Variants in VMA12 observed in about 807,000 individuals in gnomAD.
VMA12 encodes vacuolar ATPase assembly protein VMA12.
chr17:28,358,003 C>A, the VMA12 span: 2 of 1,038,308 alleles, frequency 1.9e-6, no homozygotes, highest in South Asian at 1.6e-5. Flanking sequence ...AAGAGTCACT[C>A]CATAAATCCC....
At chr17:28,357,706 G>T in the VMA12 span, 3 of 1,612,998 alleles carry the variant, frequency 1.9e-6, no homozygotes, top group East Asian at 2.2e-5. Context: ...AGCGATTGGT[G>T]CGTGCTTTGG....
the VMA12 span, chr17:28,360,736 G>T: frequency 6.2e-7 from 1 of 1,614,052 alleles, no homozygotes; most frequent in South Asian, 1.1e-5. Context: ...TCCCCAAAGT[G>T]AGATCATTGA....
At chr17:28,362,456 G>GT in the VMA12 span, 1 of 152,128 alleles carries the variant, frequency 6.6e-6, no homozygotes, top group Non-Finnish European at 1.5e-5. Flanking sequence ...GAGGTTGGGA[G>GT]TTTAAGACCA....
chr17:28,360,420 G>A, the VMA12 span: 4 of 1,009,192 alleles, frequency 4.0e-6, no homozygotes, highest in Non-Finnish European at 4.6e-6. Context: ...AGAATCCATG[G>A]GGAGGGCAGA....
the VMA12 span, chr17:28,360,776 A>G: frequency 6.2e-7 from 1 of 1,613,960 alleles, no homozygotes; most frequent in Non-Finnish European, 8.5e-7. Flanking sequence ...CTTCAATTTC[A>G]TTGTCACGGT....
chr17:28,357,950 C>T, the VMA12 span: 1 of 1,521,244 alleles, frequency 6.6e-7, no homozygotes, highest in Non-Finnish European at 9.0e-7. Context: ...AGGTCTTTTC[C>T]CATCATTCCC....
chr17:28,360,520 T>G, the VMA12 span: 10 of 1,614,022 alleles, frequency 6.2e-6, no homozygotes, highest in Non-Finnish European at 8.5e-6. Context: ...TTCTTTTTCT[T>G]TTTCCCAGGA....
the VMA12 span, chr17:28,359,026 C>CT: frequency 1.3e-6 from 2 of 1,530,748 alleles, no homozygotes; most frequent in Non-Finnish European, 1.8e-6. Flanking sequence ...TGGTTATTGA[C>CT]TGAGTTGGGC....
At chr17:28,359,421 C>T in the VMA12 span, 3 of 1,612,788 alleles carry the variant, frequency 1.9e-6, no homozygotes, top group African/African-American at 1.3e-5. Flanking sequence ...ACATGCTCTT[C>T]AGTACGTGGT....
the VMA12 span, chr17:28,360,690 A>G: frequency 1.9e-6 from 3 of 1,597,204 alleles, no homozygotes; most frequent in South Asian, 2.2e-5. Flanking sequence ...AGCACCTCCT[A>G]GAGAATGTTG....
At chr17:28,359,370 A>C in the VMA12 span, 5 of 1,614,122 alleles carry the variant, frequency 3.1e-6, no homozygotes, top group South Asian at 2.2e-5. Flanking sequence ...GCCAATGAGG[A>C]ATATAAACGG....
At chr17:28,358,125 C>T in the VMA12 span, 1 of 557,282 alleles carries the variant, frequency 1.8e-6, no homozygotes, top group South Asian at 2.1e-5. Flanking sequence ...ACACCTAGGC[C>T]CAATTCACCC....
At chr17:28,358,018 C>T in the VMA12 span, 4 of 894,468 alleles carry the variant, frequency 4.5e-6, no homozygotes, top group Non-Finnish European at 5.0e-6. Flanking sequence ...AATCCCAGGG[C>T]CACCCACTTT....
the VMA12 span, chr17:28,359,393 G>A: frequency 0.024 from 39,220 of 1,613,952 alleles, 1,668 homozygotes; most frequent in East Asian, 0.19. Context: ...CACCCGCAAC[G>A]TCACTTGTCA....
chr17:28,362,449 G>A, the VMA12 span: 5 of 152,086 alleles, frequency 3.3e-5, no homozygotes, highest in Admixed American at 3.3e-4. Context: ...ATCACTTGAG[G>A]TTGGGAGTTT....
At chr17:28,357,769 G>C in the VMA12 span, 1 of 1,613,674 alleles carries the variant, frequency 6.2e-7, no homozygotes, top group Non-Finnish European at 8.5e-7. Flanking sequence ...TGCGGGCCGA[G>C]CTTGAGGCCG....
chr17:28,361,904 C>T, the VMA12 span: 1 of 152,456 alleles, frequency 6.6e-6, no homozygotes. Context: ...TATGGTCCTT[C>T]TTCTGTTAAA....
At chr17:28,358,729 G>A in the VMA12 span, among the ~76,000 whole-genome samples, 2 of 152,288 alleles carry the variant, frequency 1.3e-5, no homozygotes, top group Non-Finnish European at 2.9e-5. Flanking sequence ...AGTCACCTGC[G>A]CAGCACTGGG....
the VMA12 span, chr17:28,360,993 T>G: frequency 1.1e-6 from 1 of 892,340 alleles, no homozygotes; most frequent in East Asian, 2.5e-5. Flanking sequence ...TTTCCAGCAG[T>G]CACGGGAGGT....
Sources: allele counts gnomAD v4.1 joint callset (sites outside exome capture counted in the v4.1 genomes callset), GRCh38; gene constraint gnomAD v4.1.1; transcripts MANE v1.5; gene names NCBI Gene and HGNC (gene_info 2026-07-23, HGNC 2026-07-21).